Variants in MGRN1 observed in about 807,000 individuals in gnomAD.
MGRN1 encodes the protein E3 ubiquitin-protein ligase MGRN1.
In MGRN1, 29 loss-of-function variants were observed where a neutral mutation model predicts 69.2. That is an observed-to-expected ratio of 0.42 (90% CI 0.31 to 0.57). The LOEUF is 0.57. Among genes scored for constraint, MGRN1 ranks in the 20% least tolerant of loss-of-function variants. The pLI, the probability that MGRN1 is intolerant of heterozygous loss-of-function variation, is 0.15. For missense variants in MGRN1, 998 were observed against 796.2 expected, an observed-to-expected ratio of 1.25 and a Z score of -3.05; for synonymous variants, 470 against 344.2, an observed-to-expected ratio of 1.37 and a Z score of -4.04.
At chr16:4,664,088 G>C (rs1477633736) in intron 5 of MGRN1, 1 of 155,908 alleles carries the variant, frequency 6.4e-6, no homozygotes, top group Admixed American at 6.2e-5. Context: ...CCGGTGTCCA[G>C]TGCAGCGCTG....
chr16:4,664,076 C>T (rs1307940273), intron 5 of MGRN1: 1 of 152,988 alleles, frequency 6.5e-6, no homozygotes, highest in Non-Finnish European at 1.5e-5. Context: ...GACACTTGCG[C>T]ACCGGTGTCC....
chr16:4,667,970 G>C (rs2141933918), intron 7 of MGRN1, among the ~76,000 whole-genome samples: 1 of 152,224 alleles, frequency 6.6e-6, no homozygotes, highest in East Asian at 1.9e-4. Context: ...CATTCAGCTT[G>C]AGTGTGCTTG....
intron 1 of MGRN1, among the ~76,000 whole-genome samples, chr16:4,632,205 T>TG (rs71139651): frequency 0.99 from 150,694 of 151,536 alleles, 74,933 homozygotes; most frequent in South Asian, 1. Flanking sequence ...TTAGTAGAGA[T>TG]GGGTTTCACC....
intron 1 of MGRN1, among the ~76,000 whole-genome samples, chr16:4,638,988 C>T (rs2078097000): frequency 6.6e-6 from 1 of 152,162 alleles, no homozygotes; most frequent in South Asian, 2.1e-4. Flanking sequence ...AGTGCAGGCT[C>T]TGGAGTCTGC....
chr16:4,673,657 C>A lies in MGRN1; in HGVS notation c.955C>A (p.Pro319Thr). 6.2e-7 allele frequency: 1 copy of A among 1,612,560 alleles called. No individual in the cohort carries two copies. The highest frequency in any genetic ancestry group is 8.5e-7 in the Non-Finnish European group (1 of 1,179,606). ...QANNCPICRL[P>T]FRALLQIRAV... ...CAACAACTGCCCCATCTGCCGGCTG[C>A]GTGAGTTCCCCGGCCGGCTGTTCTG... The change falls in exon 10 of 17, where the codon CCT (proline) becomes ACT (threonine). Residue 319 changes from proline to threonine, a missense_variant and splice_region_variant. By Grantham distance (38) the Pro-to-Thr change is conservative. Coordinates refer to ENST00000262370, the MANE Select transcript of MGRN1 (RefSeq NM_015246.4).
At chr16:4,685,747 T>A (rs1369520585) in intron 16 of MGRN1, among the ~76,000 whole-genome samples, 3 of 152,248 alleles carry the variant, frequency 2.0e-5, no homozygotes, top group African/African-American at 7.2e-5. Flanking sequence ...CTTGACTGTC[T>A]ATCCGTGTCT....
chr16:4,627,782 T>G (rs1343470302), intron 1 of MGRN1, among the ~76,000 whole-genome samples: 2 of 137,264 alleles, frequency 1.5e-5, no homozygotes, highest in Non-Finnish European at 1.5e-5. Context: ...AGAGCGAGAC[T>G]CCGTCTCAAA....
intron 5 of MGRN1, among the ~76,000 whole-genome samples, chr16:4,663,019 C>A (rs537141112): frequency 6.6e-6 from 1 of 152,318 alleles, no homozygotes; most frequent in Admixed American, 6.5e-5. Context: ...ACTGCCCTTG[C>A]CTGGGCTGGG....
At chr16:4,678,077 G>A (rs960707834) in intron 11 of MGRN1, among the ~76,000 whole-genome samples, 3 of 152,186 alleles carry the variant, frequency 2.0e-5, no homozygotes, top group Admixed American at 1.3e-4. Context: ...GAACTCTTGG[G>A]CTCAAGTGCT....
intron 1 of MGRN1, among the ~76,000 whole-genome samples, chr16:4,648,380 G>A (rs1782992652): frequency 7.7e-6 from 1 of 129,716 alleles, no homozygotes; most frequent in African/African-American, 3.4e-5. Flanking sequence ...TCCTCCCGGG[G>A]ACTCTTCCCG....
Position 4,651,985 on chromosome 16 carries a change from C to A in MGRN1, c.230C>A (p.Pro77His), listed in dbSNP as rs1156440156. 6.8e-6 allele frequency: 11 copies of A among 1,613,930 alleles called. No individual in the cohort carries two copies. The highest frequency in any genetic ancestry group is 1.7e-5 in the Admixed American group (1 of 59,986). The stretch of plus-strand genomic sequence containing the variant: ...TAGTTTCCCTACGTCACTCCTGCCC[C>A]CCACGAGCCCGTGAAGACGCTGCGG... The part of the protein sequence containing the change: ...PVQFPYVTPA[P>H]HEPVKTLRSL... Residue 77 changes from proline to histidine, a missense_variant, in exon 3 of 17, where the codon CCC (proline) becomes CAC (histidine). By Grantham distance (77) the Pro-to-His change is moderately conservative (BLOSUM62 -2). Transcript: ENST00000262370.
chr16:4,635,110 A>G (rs75449847), intron 1 of MGRN1: 2,307 of 152,388 alleles, frequency 0.015, 66 homozygotes, highest in African/African-American at 0.052. Flanking sequence ...GCACATAGAC[A>G]TTAAAAATCA....
At chr16:4,670,672 T>C (rs1238433535) in intron 8 of MGRN1, among the ~76,000 whole-genome samples, 1 of 152,222 alleles carries the variant, frequency 6.6e-6, no homozygotes, top group African/African-American at 2.4e-5. Context: ...CTGGGCAATG[T>C]AGCGAGATCC....
chr16:4,676,107 C>T (rs1174863607), intron 10 of MGRN1, among the ~76,000 whole-genome samples: 4 of 152,224 alleles, frequency 2.6e-5, no homozygotes, highest in Non-Finnish European at 4.4e-5. Flanking sequence ...CTGGTCTGTG[C>T]AGTCAGGCCA....
intron 8 of MGRN1, among the ~76,000 whole-genome samples, chr16:4,669,683 CTCCTCT>C (rs1567219015): frequency 2.0e-5 from 3 of 152,162 alleles, no homozygotes; most frequent in African/African-American, 7.2e-5. Flanking sequence ...GCAACTCCTT[CTCCTCT>C]TCCTTACAAA....
intron 16 of MGRN1, chr16:4,686,287 T>G (rs919820914): frequency 5.2e-6 from 8 of 1,544,962 alleles, no homozygotes; most frequent in Non-Finnish European, 7.0e-6. Context: ...GCTCTGTTGG[T>G]ATAGACGAGT....
At chr16:4,684,124 A>C (rs933183290) in intron 16 of MGRN1, among the ~76,000 whole-genome samples, 192 bp downstream of exon 16, 14 of 152,276 alleles carry the variant, frequency 9.2e-5, no homozygotes, top group African/African-American at 3.4e-4. Context: ...GCCACAAAGC[A>C]GCCTCAGGCA....
intron 8 of MGRN1, among the ~76,000 whole-genome samples, chr16:4,668,913 TACAG>T (rs755861562): frequency 2.5e-4 from 38 of 151,990 alleles, no homozygotes; most frequent in African/African-American, 8.2e-4. Flanking sequence ...CGCACACATA[TACAG>T]ACATACATAC....
chr16:4,635,289 C>T (rs765917047), intron 1 of MGRN1, among the ~76,000 whole-genome samples: 2 of 151,914 alleles, frequency 1.3e-5, no homozygotes, highest in Non-Finnish European at 2.9e-5. Flanking sequence ...TGGTGGTGCA[C>T]ACCTGTAATC....
Sources: gnomAD v4.1 joint callset for allele counts (sites outside exome capture counted in the v4.1 genomes callset) on GRCh38, gnomAD v4.1.1 for gene constraint, MANE v1.5 for transcripts, NCBI Gene and HGNC (gene_info 2026-07-23, HGNC 2026-07-21) for gene names.